ABCB9: variants seen among roughly 807,000 people sequenced by gnomAD.
ABCB9 encodes ATP binding cassette subfamily B member 9.
Under a neutral mutation model 62.0 loss-of-function variants are expected in ABCB9, and 36 were observed. The observed-to-expected ratio is 0.58, with a 90% confidence interval of 0.45 to 0.77. The LOEUF is 0.77. Ranked by LOEUF, ABCB9 falls within the 30% of genes least tolerant of loss-of-function variation. The pLI, the probability that ABCB9 is intolerant of heterozygous loss-of-function variation, is 0.00. For synonymous variants in ABCB9, 435 were observed against 461.4 expected, an observed-to-expected ratio of 0.94 and a Z score of 0.73; for missense variants, 943 against 1,054.7, an observed-to-expected ratio of 0.89 and a Z score of 1.47.
Position 122,948,814 on chromosome 12 carries a change from C to T in ABCB9, c.863G>A (p.Arg288His), listed in dbSNP as rs1440597354. ...DENRTGDLIS[R>H]LTSDTTMVSD... ...GACCATGGTGGTGTCCGAGGTCAGGCGGGAGATGAGGTCCCCTGGAACACA... is the reference window on the plus strand; with the variant it reads ...GACCATGGTGGTGTCCGAGGTCAGGTGGGAGATGAGGTCCCCTGGAACACA... Residue 288 changes from arginine to histidine, a missense_variant, in exon 5 of 12, where the codon CGC (arginine) becomes CAC (histidine). Arg to His is a conservative substitution (Grantham distance 29, BLOSUM62 0). Transcript: ENST00000280560. 28 of 1,572,816 alleles carry T rather than the reference C, an allele frequency of 1.8e-5. No homozygotes were observed. Among genetic ancestry groups the T allele is most frequent in the South Asian group, 2.4e-5 (2 of 85,024 alleles).
downstream of ABCB9, among the ~76,000 whole-genome samples, chr12:122,927,024 T>G (rs1319996553): frequency 1.3e-5 from 2 of 152,222 alleles, no homozygotes; most frequent in Non-Finnish European, 2.9e-5. Flanking sequence ...GTTTCACTGA[T>G]AGTGACATGC....
At chr12:122,966,725 C>A (rs1308019892), upstream of ABCB9, among the ~76,000 whole-genome samples, 1 of 152,264 alleles carries the variant, frequency 6.6e-6, no homozygotes, top group Non-Finnish European at 1.5e-5. Flanking sequence ...ACCAGGCCCT[C>A]CACACTGCGT....
At chr12:122,934,173 G>C (rs2035337581) in intron 10 of ABCB9, among the ~76,000 whole-genome samples, 1 of 152,110 alleles carries the variant, frequency 6.6e-6, no homozygotes, top group Admixed American at 6.6e-5. Flanking sequence ...GCTTGAACCT[G>C]GGAGACGGAG....
At chr12:122,961,797 T>C (rs537931162) in intron 1 of ABCB9, among the ~76,000 whole-genome samples, 28 of 152,378 alleles carry the variant, frequency 1.8e-4, no homozygotes, top group African/African-American at 6.7e-4. Context: ...CTGAACCTGT[T>C]TCCTCATTTG....
At chr12:122,972,037 C>CTTTTTTTTTTTT (rs57112984) in intron 1 of ABCB9, among the ~76,000 whole-genome samples, 8 of 99,270 alleles carry the variant, frequency 8.1e-5, no homozygotes, top group Non-Finnish European at 9.4e-5. Context: ...TTCATAATGT[C>CTTTTTTTTTTTT]TTTTTTTTTT....
rs774274719 is a variant in ABCB9, at chr12:122,950,571, G to C, written c.602-6C>G. On this transcript the variant is annotated splice_polypyrimidine_tract_variant and splice_region_variant and intron_variant, in intron 2 of 11. Transcript: ENST00000280560. ...GTAGGGCAGGAAGGTCTCTCCTGGG[G>C]GAGGCAGGGCAGCCTCAGGGACGTC... 1 of 1,609,642 alleles carries C rather than the reference G, an allele frequency of 6.2e-7. No homozygotes were observed. The highest frequency in any genetic ancestry group is 1.1e-5 in the South Asian group (1 of 90,848).
chr12:122,945,901 A>AAT, intron 6 of ABCB9, 124 bp downstream of exon 6: 1 of 955,096 alleles, frequency 1.0e-6, no homozygotes, highest in South Asian at 1.7e-5. Flanking sequence ...AAAAAAAAGA[A>AAT]AGACAGACAG....
At chr12:122,973,456 C>T (rs1161758964) in intron 1 of ABCB9, among the ~76,000 whole-genome samples, 1 of 133,012 alleles carries the variant, frequency 7.5e-6, no homozygotes, top group African/African-American at 2.8e-5. Context: ...CCCAGCTACT[C>T]GGGAGGCTGA....
rs2035088317 is a variant in ABCB9 at position 122,930,349 on chromosome 12, C to T, written c.2041-178G>A. On this transcript the variant is annotated intron_variant, in intron 11 of 11. Transcript: ENST00000280560. The surrounding 1 kb of genome is among the most constrained non-coding windows in gnomAD (Gnocchi z 4.9). ...CTCAGGGCCAGACACAATGAGGCAC[C>T]TGGTGAATGGGGGATCAGCTCTACC... Among the ~76,000 whole-genome samples the T allele has an allele frequency of 6.6e-6, 1 of 151,920 alleles. No individual in the cohort carries two copies. The highest frequency in any genetic ancestry group is 1.5e-5 in the Non-Finnish European group (1 of 67,996).
downstream of ABCB9, chr12:122,924,907 T>C (rs1043974608): frequency 3.9e-6 from 5 of 1,285,784 alleles, no homozygotes; most frequent in Non-Finnish European, 3.2e-6. Flanking sequence ...CCCACCAGGA[T>C]GGTGACAATT....
At chr12:122,956,057 A>G (rs1347973216) in intron 2 of ABCB9, among the ~76,000 whole-genome samples, 1 of 152,192 alleles carries the variant, frequency 6.6e-6, no homozygotes, top group Non-Finnish European at 1.5e-5. Context: ...TGAGGTGCAG[A>G]CAAAGTTACC....
intron 6 of ABCB9, among the ~76,000 whole-genome samples, chr12:122,945,325 C>G (rs1255540686): frequency 6.6e-6 from 1 of 152,116 alleles, no homozygotes; most frequent in Non-Finnish European, 1.5e-5. Flanking sequence ...CTGACCTGCC[C>G]ACCTCCCATG....
chr12:122,920,552 A>G (rs1444891681), downstream of ABCB9, among the ~76,000 whole-genome samples: 1 of 152,040 alleles, frequency 6.6e-6, no homozygotes, highest in Non-Finnish European at 1.5e-5. Flanking sequence ...TTTTGAAAAA[A>G]CTGCATTAAC....
At chr12:122,954,079 G>A (rs1419771585) in intron 2 of ABCB9, among the ~76,000 whole-genome samples, 2 of 151,936 alleles carry the variant, frequency 1.3e-5, no homozygotes, top group African/African-American at 4.8e-5. Context: ...CGAGGTGGGA[G>A]GATCACTTGA....
chr12:122,929,571 T>C lies in ABCB9; in HGVS notation c.*340A>G. 9.1e-7 allele frequency: 1 copy of C among 1,095,246 alleles called. No homozygotes were observed. The highest frequency in any genetic ancestry group is 1.1e-6 in the Non-Finnish European group (1 of 901,496). The allele number at this position is 1,095,246 out of a possible 1,614,324, so 67.8% of individuals were successfully genotyped here. A position where few individuals can be genotyped will look rare whatever the true frequency, so the allele number is the denominator to read the frequency against. Reference sequence around the variant, plus strand: ...TGAAAGTGCCCGCCATTACTCCCAATTAGAAAAAGGTTTTTGAAATCTAGG... The same window carrying C: ...TGAAAGTGCCCGCCATTACTCCCAACTAGAAAAAGGTTTTTGAAATCTAGG... On this transcript the variant is annotated 3_prime_UTR_variant, in exon 12 of 12. Coordinates refer to ENST00000280560, the MANE Select transcript of ABCB9 (RefSeq NM_019625.4). This position sits in a 1 kb window ranked among gnomAD's most constrained non-coding sequence, Gnocchi z 6.0.
chr12:122,944,601 C>T lies in ABCB9; in HGVS notation c.1252-82G>A. ...CCATTCCCTGACCCATCCCAGGCTGCAGGGGGAGGTGAGGGCAGACCCAGC... is the reference window on the plus strand; with the variant it reads ...CCATTCCCTGACCCATCCCAGGCTGTAGGGGGAGGTGAGGGCAGACCCAGC... On this transcript the variant is annotated intron_variant, in intron 6 of 11. Coordinates refer to ENST00000280560, the MANE Select transcript of ABCB9 (RefSeq NM_019625.4). This position sits in a 1 kb window ranked among gnomAD's most constrained non-coding sequence, Gnocchi z 4.9. 6.4e-7 allele frequency: 1 copy of T among 1,562,492 alleles called. No homozygotes were observed. The highest frequency in any genetic ancestry group is 8.7e-7 in the Non-Finnish European group (1 of 1,151,720).
At position 122,944,758 on chromosome 12, in the gene ABCB9, C is replaced by G. The variant is rs959265602; in HGVS notation, c.1252-239G>C. 1 of 471,700 alleles carries G rather than the reference C, an allele frequency of 2.1e-6. No individual in the cohort carries two copies. The highest frequency in any genetic ancestry group is 1.9e-5 in the African/African-American group (1 of 51,404). 29.2% of individuals were successfully genotyped at this position (471,700 alleles called of 1,614,324 possible). On this transcript the variant is annotated intron_variant, in intron 6 of 11. Coordinates refer to ENST00000280560, the MANE Select transcript of ABCB9 (RefSeq NM_019625.4). The surrounding 1 kb of genome is among the most constrained non-coding windows in gnomAD (Gnocchi z 4.9). ...CTGTGGGCTTGGCCACAGAACAAGG[C>G]TTTCTTTGTGAGGTCCTGGCACACA...
chr12:122,957,118 T>C (rs2036643788), intron 2 of ABCB9, among the ~76,000 whole-genome samples: 1 of 151,938 alleles, frequency 6.6e-6, no homozygotes, highest in East Asian at 1.9e-4. Flanking sequence ...CATGGCTCAC[T>C]ATAACTCAAG....
intron 4 of ABCB9, 85 bp from the exon 5 acceptor site, chr12:122,948,914 G>C: frequency 1.9e-6 from 2 of 1,028,416 alleles, no homozygotes; most frequent in Non-Finnish European, 2.6e-6. Flanking sequence ...CTCTGAGACA[G>C]ACACTGGGAA....
Sources: gnomAD v4.1 joint callset for allele counts (sites outside exome capture counted in the v4.1 genomes callset) on GRCh38, gnomAD v4.1.1 for gene constraint, Gnocchi (gnomAD v3.1) non-coding constraint, MANE v1.5 for transcripts, NCBI Gene and HGNC (gene_info 2026-07-23, HGNC 2026-07-21) for gene names.